CNTNAP2: variants seen among roughly 807,000 people sequenced by gnomAD.
CNTNAP2 encodes the protein contactin associated protein 2, also known as contactin-associated protein-like 2.
CNTNAP2 carries 98 observed loss-of-function variants against 155.2 expected under a neutral mutation model. The ratio of observed to expected loss-of-function variants is 0.63; its 90% CI spans 0.54 to 0.75. CNTNAP2 has a LOEUF of 0.75. CNTNAP2 is among the 30% of genes least tolerant of loss of function. CNTNAP2 has a pLI of 0.00. For synonymous variants in CNTNAP2, 651 were observed against 631.2 expected, an observed-to-expected ratio of 1.03 and a Z score of -0.47; for missense variants, 1,727 against 1,688.1, an observed-to-expected ratio of 1.02 and a Z score of -0.40.
chr7:147,557,124 C>T (rs971231249), intron 11 of CNTNAP2, among the ~76,000 whole-genome samples: 3 of 151,990 alleles, frequency 2.0e-5, no homozygotes. Flanking sequence ...ATTAGCCAGA[C>T]ATGTTGGCAG....
intron 13 of CNTNAP2, among the ~76,000 whole-genome samples, chr7:147,829,406 C>CA (rs1798513455): frequency 6.6e-6 from 1 of 152,182 alleles, no homozygotes; most frequent in Non-Finnish European, 1.5e-5. Context: ...GTCAATAAGA[C>CA]AGATGAGCTA....
At chr7:147,362,430 T>C (rs1444591120) in intron 9 of CNTNAP2, among the ~76,000 whole-genome samples, 1 of 148,340 alleles carries the variant, frequency 6.7e-6, no homozygotes, top group Non-Finnish European at 1.5e-5. Flanking sequence ...CCACCACTTC[T>C]GGCCTAAGCT....
chr7:148,355,371 A>T (rs1282235515), intron 21 of CNTNAP2, among the ~76,000 whole-genome samples: 2 of 151,792 alleles, frequency 1.3e-5, no homozygotes, highest in East Asian at 3.9e-4. Flanking sequence ...GTCGATCAGT[A>T]TTAATTGCAT....
chr7:148,311,762 G>T (rs930641627), intron 21 of CNTNAP2, among the ~76,000 whole-genome samples: 1 of 152,144 alleles, frequency 6.6e-6, no homozygotes, highest in Non-Finnish European at 1.5e-5. Context: ...TGCCTTTGCT[G>T]GTGTGTGGCG....
intron 1 of CNTNAP2, among the ~76,000 whole-genome samples, chr7:146,449,974 C>T (rs1796454967): frequency 1.3e-5 from 2 of 152,074 alleles, no homozygotes; most frequent in African/African-American, 2.4e-5. Context: ...GTTATCAGTC[C>T]ACTATTTCTA....
At chr7:147,038,254 A>C (rs1381951509) in intron 3 of CNTNAP2, among the ~76,000 whole-genome samples, 1 of 152,150 alleles carries the variant, frequency 6.6e-6, no homozygotes, top group African/African-American at 2.4e-5. Flanking sequence ...TCCATAAGTA[A>C]AGCAAAGGCA....
chr7:146,684,468 A>T lies in CNTNAP2; in HGVS notation c.98-89803A>T, dbSNP rs76609850. 7.8e-4 allele frequency among the ~76,000 whole-genome samples: 118 copies of T among 152,188 alleles called. 2 individuals are homozygous for T. The East Asian group carries it at 0.022, about 28-fold the overall frequency. On this transcript the variant is annotated intron_variant, in intron 1 of 23. Coordinates refer to ENST00000361727, the MANE Select transcript of CNTNAP2 (RefSeq NM_014141.6). ...CAGATATTCTTGAATTTAAAGACTT[A>T]TTTGACTACTCTAAATCTCTGAAAA... is the stretch of plus-strand genomic sequence containing the variant.
rs906807607 is a variant in CNTNAP2 at position 148,263,713 on chromosome 7, G to C, written c.3382-3320G>C. Among the ~76,000 whole-genome samples, 63 of 150,424 alleles carry C rather than the reference G, an allele frequency of 4.2e-4. 1 individual carries two copies. The highest frequency in any genetic ancestry group is 6.9e-3 in the Middle Eastern group (2 of 288). ...GATGGTGCCTCTGCACTCCAGCCTGGGCGACAGAGCGAGACTCAGTCCCAA... is the reference window on the plus strand; with the variant it reads ...GATGGTGCCTCTGCACTCCAGCCTGCGCGACAGAGCGAGACTCAGTCCCAA... On this transcript the variant is annotated intron_variant, in intron 20 of 23. Transcript: ENST00000361727.
chr7:146,213,523 G>A (rs1018993840), intron 1 of CNTNAP2, among the ~76,000 whole-genome samples: 1 of 152,170 alleles, frequency 6.6e-6, no homozygotes, highest in Non-Finnish European at 1.5e-5. Flanking sequence ...ATGTGAGATT[G>A]TTGTATGTTG....
chr7:147,978,649 G>A (rs373581077), intron 15 of CNTNAP2, among the ~76,000 whole-genome samples: 1 of 152,022 alleles, frequency 6.6e-6, no homozygotes, highest in African/African-American at 2.4e-5. Flanking sequence ...GATACCCTTC[G>A]GTGTGCTTTA....
chr7:147,755,168 AGT>A (rs1304417115), intron 13 of CNTNAP2, among the ~76,000 whole-genome samples: 2 of 152,174 alleles, frequency 1.3e-5, no homozygotes, highest in African/African-American at 4.8e-5. Context: ...TGACAGCTTA[AGT>A]GTATGAGTGA....
intron 21 of CNTNAP2, among the ~76,000 whole-genome samples, chr7:148,299,415 G>A (rs1427139429): frequency 6.6e-6 from 1 of 152,232 alleles, no homozygotes; most frequent in Non-Finnish European, 1.5e-5. Flanking sequence ...GCCTGGACCA[G>A]AGAAAGTTCT....
At chr7:146,310,170 A>G (rs936307403) in intron 1 of CNTNAP2, among the ~76,000 whole-genome samples, 2 of 152,214 alleles carry the variant, frequency 1.3e-5, no homozygotes, top group Non-Finnish European at 2.9e-5. Context: ...TGAAAATAAC[A>G]CATTCAAACT....
chr7:147,325,645 G>C (rs1043276527), intron 9 of CNTNAP2, among the ~76,000 whole-genome samples: 1 of 152,068 alleles, frequency 6.6e-6, no homozygotes, highest in Non-Finnish European at 1.5e-5. Flanking sequence ...CTAAATAATA[G>C]TGGGAAAAAA....
intron 13 of CNTNAP2, among the ~76,000 whole-genome samples, chr7:147,714,018 C>T (rs1036344420): frequency 5.9e-5 from 9 of 152,056 alleles, no homozygotes; most frequent in African/African-American, 2.2e-4. Flanking sequence ...CATTTGCATC[C>T]CATTACTAGC....
intron 8 of CNTNAP2, among the ~76,000 whole-genome samples, chr7:147,151,526 C>T (rs1258042439): frequency 6.6e-6 from 1 of 151,944 alleles, no homozygotes; most frequent in Non-Finnish European, 1.5e-5. Flanking sequence ...GATGACAATG[C>T]AAATATTCAC....
At chr7:147,378,531 C>T (rs1796480078) in intron 9 of CNTNAP2, among the ~76,000 whole-genome samples, 1 of 151,974 alleles carries the variant, frequency 6.6e-6, no homozygotes, top group Admixed American at 6.6e-5. Context: ...TGCGTTCTCA[C>T]TCATTTGTGG....
intron 1 of CNTNAP2, among the ~76,000 whole-genome samples, chr7:146,498,618 T>G (rs1261339670): frequency 6.6e-6 from 1 of 152,146 alleles, no homozygotes; most frequent in African/African-American, 2.4e-5. Flanking sequence ...TGACTTTTTC[T>G]TTGATTTGTT....
At chr7:147,855,997 C>T (rs771519214) in intron 13 of CNTNAP2, among the ~76,000 whole-genome samples, 14 of 152,160 alleles carry the variant, frequency 9.2e-5, no homozygotes, top group Admixed American at 6.6e-5. Flanking sequence ...GAGAACCTCT[C>T]CTGACTCAAT....
Sources: allele counts gnomAD v4.1 joint callset (sites outside exome capture counted in the v4.1 genomes callset), GRCh38; gene constraint gnomAD v4.1.1; transcripts MANE v1.5; gene names NCBI Gene and HGNC (gene_info 2026-07-23, HGNC 2026-07-21).